The following SMCO2 variants were observed in gnomAD, a reference collection of about 807,000 sequenced individuals.
The protein encoded by SMCO2 is single-pass membrane and coiled-coil domain-containing protein 2.
A neutral mutation model predicts 29.5 loss-of-function variants in SMCO2; 25 were observed. The ratio of observed to expected loss-of-function variants is 0.85; its 90% CI spans 0.62 to 1.18. The LOEUF (loss-of-function observed/expected upper bound fraction) is 1.18. Among genes scored for constraint, SMCO2 ranks in the 50% most tolerant of loss-of-function variants. SMCO2 has a pLI of 0.00. For synonymous variants in SMCO2, 117 were observed against 123.3 expected (o/e 0.95, Z 0.34); for missense variants, 348 against 344.5 (o/e 1.01, Z -0.08).
At chr12:27,433,444 A>T in the SMCO2 span, among the ~76,000 whole-genome samples, 2 of 152,036 alleles carry the variant, frequency 1.3e-5, no homozygotes, top group Admixed American at 6.5e-5. Flanking sequence ...CTCTAAGTCA[A>T]ATAAGAGGGC....
chr12:27,497,954 G>T, intron 7 of SMCO2: 2 of 325,324 alleles, frequency 6.1e-6, no homozygotes. Context: ...TGTGTTGCTA[G>T]GGGAAGACAA....
the SMCO2 span, among the ~76,000 whole-genome samples, chr12:27,443,471 A>G: frequency 1.3e-5 from 2 of 152,200 alleles, no homozygotes; most frequent in Admixed American, 1.3e-4. Flanking sequence ...AAGGATGTCC[A>G]CTTTCAACAC....
the SMCO2 span, among the ~76,000 whole-genome samples, chr12:27,441,132 G>A: frequency 2.0e-5 from 3 of 151,786 alleles, no homozygotes; most frequent in Non-Finnish European, 2.9e-5. Context: ...GGTGGCACAC[G>A]CCTGTAGTCC....
rs538597410 is a variant in SMCO2, at chr12:27,496,423, A to T, written c.683+568A>T. Among the ~76,000 whole-genome samples the T allele has an allele frequency of 1.7e-3, 258 of 150,716 alleles. 18 individuals carry two copies. Among genetic ancestry groups the T allele is most frequent in the African/African-American group, 6.2e-3 (250 of 40,332 alleles). ...ATAAAATCTATCTATATCTATCTAA[A>T]ATCTTAAAAGATGGTATCTATACAT... On this transcript the variant is annotated intron_variant, in intron 7 of 7. Transcript: ENST00000298876.
At chr12:27,477,342 ACTTTT>A (rs1949597334) in intron 4 of SMCO2, among the ~76,000 whole-genome samples, 1 of 149,770 alleles carries the variant, frequency 6.7e-6, no homozygotes, top group South Asian at 2.1e-4. Flanking sequence ...GTGACTTGAC[ACTTTT>A]CTTTTGCTGT....
At chr12:27,494,595 T>C (rs1055681173) in intron 6 of SMCO2, among the ~76,000 whole-genome samples, 4 of 151,620 alleles carry the variant, frequency 2.6e-5, no homozygotes, top group African/African-American at 9.7e-5. Flanking sequence ...CCATGGTGGT[T>C]TGCTGCATCC....
At chr12:27,479,004 G>T (rs1949616375) in intron 4 of SMCO2, among the ~76,000 whole-genome samples, 1 of 152,166 alleles carries the variant, frequency 6.6e-6, no homozygotes, top group African/African-American at 2.4e-5. Context: ...CAGGCTCCTG[G>T]ATAGCATGCT....
chr12:27,485,371 G>T (rs1377029994), intron 4 of SMCO2, among the ~76,000 whole-genome samples: 5 of 150,506 alleles, frequency 3.3e-5, no homozygotes, highest in Non-Finnish European at 4.4e-5. Context: ...ATAAAATATA[G>T]TTACAACTTT....
chr12:27,452,437 A>T, the SMCO2 span, among the ~76,000 whole-genome samples: 1 of 152,194 alleles, frequency 6.6e-6, no homozygotes, highest in Non-Finnish European at 1.5e-5. Flanking sequence ...ACTTAGGTTT[A>T]TTCTATATTT....
At chr12:27,426,046 G>A in the SMCO2 span, among the ~76,000 whole-genome samples, 1 of 152,162 alleles carries the variant, frequency 6.6e-6, no homozygotes, top group Non-Finnish European at 1.5e-5. Flanking sequence ...CTCAACCTTG[G>A]GTTGAAGTTT....
the SMCO2 span, among the ~76,000 whole-genome samples, chr12:27,445,649 A>G: frequency 2.6e-5 from 4 of 152,214 alleles, no homozygotes; most frequent in African/African-American, 9.7e-5. Flanking sequence ...ACCACAGACA[A>G]ACCATTTTAA....
rs3051833 is a variant in SMCO2 at position 27,477,634 on chromosome 12, C to CTTTTT, written c.362+2733_362+2737dup. 9.9e-3 allele frequency among the ~76,000 whole-genome samples: 1,085 copies of CTTTTT among 109,558 alleles called. 37 individuals carry two copies. Among genetic ancestry groups the CTTTTT allele is most frequent in the African/African-American group, 0.038 (995 of 26,194 alleles). The allele number at this position is 109,558 out of a possible 152,430, so 71.9% of individuals were successfully genotyped here. On this transcript the variant is annotated intron_variant, in intron 4 of 7. Coordinates refer to ENST00000298876, the Ensembl canonical transcript of SMCO2. ...AGGGCTTTCTTCATTCTTTTTCATT[C>CTTTTT]TTTTTTTTTTTTTTTTGGCTGATTG... is the stretch of plus-strand genomic sequence containing the variant.
intron 5 of SMCO2, among the ~76,000 whole-genome samples, chr12:27,489,699 A>T (rs1949719471): frequency 6.6e-6 from 1 of 152,228 alleles, no homozygotes; most frequent in South Asian, 2.1e-4. Flanking sequence ...TAACTGATAT[A>T]GTCCAACATT....
intron 6 of SMCO2, 123 bp from the exon 8 acceptor site, chr12:27,495,557 T>C: frequency 1.2e-6 from 1 of 819,172 alleles, no homozygotes; most frequent in East Asian, 2.7e-5. Context: ...TCATGGGACC[T>C]ATGTGTGATT....
chr12:27,462,165 T>C (rs1949463764), upstream of SMCO2, among the ~76,000 whole-genome samples: 1 of 152,210 alleles, frequency 6.6e-6, no homozygotes, highest in African/African-American at 2.4e-5. Flanking sequence ...TAAATATCTA[T>C]GAAGCCCTGT....
intron 6 of SMCO2, among the ~76,000 whole-genome samples, chr12:27,495,191 C>T (rs1054169407): frequency 1.3e-5 from 2 of 152,148 alleles, no homozygotes; most frequent in Non-Finnish European, 2.9e-5. Context: ...AGACACTCTC[C>T]GTTCCCACAC....
At chr12:27,446,543 C>A in the SMCO2 span, 1 of 152,200 alleles carries the variant, frequency 6.6e-6, no homozygotes, top group Non-Finnish European at 1.5e-5. Context: ...CACTGATCAA[C>A]TTCCACTCTG....
At chr12:27,437,204 G>A in the SMCO2 span, among the ~76,000 whole-genome samples, 5 of 152,118 alleles carry the variant, frequency 3.3e-5, no homozygotes, top group East Asian at 3.9e-4. Context: ...CCAGGAGTTC[G>A]AGGCTACAGT....
chr12:27,465,404 T>C (rs1020362827), upstream of SMCO2, among the ~76,000 whole-genome samples: 1 of 152,146 alleles, frequency 6.6e-6, no homozygotes, highest in East Asian at 1.9e-4. Flanking sequence ...GGTAGGAGCA[T>C]AGTCATGATA....
Sources: allele counts gnomAD v4.1 joint callset (sites outside exome capture counted in the v4.1 genomes callset), GRCh38; gene constraint gnomAD v4.1.1; transcripts MANE v1.5; gene names NCBI Gene and HGNC (gene_info 2026-07-23, HGNC 2026-07-21).